RNF6: variants seen among roughly 807,000 people sequenced by gnomAD.
RNF6 encodes ring finger protein 6, also known as E3 ubiquitin-protein ligase RNF6.
Under a neutral mutation model 50.1 loss-of-function variants are expected in RNF6, and 21 were observed. The observed-to-expected ratio is 0.42, with a 90% CI of 0.30 to 0.60. The LOEUF is 0.60. RNF6 is among the 20% of genes least tolerant of loss of function. The pLI, the probability that RNF6 is intolerant of heterozygous loss-of-function variation, is 0.20. For missense variants in RNF6, 698 were observed against 838.2 expected (o/e 0.83, Z 2.07); for synonymous variants, 255 against 291.8 (o/e 0.87, Z 1.29).
At chr13:26,168,316 C>A (rs1419740098) in intron 5 of RNF6, among the ~76,000 whole-genome samples, 2 of 152,170 alleles carry the variant, frequency 1.3e-5, no homozygotes, top group Non-Finnish European at 2.9e-5. Flanking sequence ...TAAGTGAGAG[C>A]AGAGCCCACT....
intron 5 of RNF6, among the ~76,000 whole-genome samples, chr13:26,184,931 G>C (rs900908224): frequency 6.6e-6 from 1 of 152,154 alleles, no homozygotes; most frequent in Non-Finnish European, 1.5e-5. Flanking sequence ...TACCTAGTGA[G>C]CTCCAAAGTG....
chr13:26,178,860 C>A (rs1310752193), intron 5 of RNF6, among the ~76,000 whole-genome samples: 1 of 152,036 alleles, frequency 6.6e-6, no homozygotes, highest in Non-Finnish European at 1.5e-5. Flanking sequence ...ATTTTAGATC[C>A]CACATATAAG....
At chr13:26,206,224 T>A (rs1456696998) in intron 5 of RNF6, among the ~76,000 whole-genome samples, 2 of 141,940 alleles carry the variant, frequency 1.4e-5, no homozygotes, top group African/African-American at 5.0e-5. Context: ...CCCTGCTGGT[T>A]GGGGAGGGGA....
intron 5 of RNF6, among the ~76,000 whole-genome samples, chr13:26,186,968 G>A (rs1283524832): frequency 1.3e-5 from 2 of 152,032 alleles, no homozygotes; most frequent in Non-Finnish European, 2.9e-5. Flanking sequence ...TAGTAGAGAC[G>A]GGGTTTCACC....
intron 5 of RNF6, among the ~76,000 whole-genome samples, chr13:26,146,519 C>A (rs1049399140): frequency 2.6e-5 from 4 of 152,218 alleles, no homozygotes; most frequent in Non-Finnish European, 4.4e-5. Context: ...TTATTTCTCA[C>A]AGTCATGGTG....
At chr13:26,211,156 G>C (rs1333411378), downstream of RNF6, among the ~76,000 whole-genome samples, 1 of 152,176 alleles carries the variant, frequency 6.6e-6, no homozygotes, top group African/African-American at 2.4e-5. Context: ...GGAAATGAAT[G>C]AAAATATTAA....
chr13:26,169,209 C>T (rs1272053547), intron 5 of RNF6, among the ~76,000 whole-genome samples: 1 of 152,112 alleles, frequency 6.6e-6, no homozygotes, highest in Non-Finnish European at 1.5e-5. Context: ...CCATCCCCTC[C>T]CTGCTTCACA....
intron 5 of RNF6, among the ~76,000 whole-genome samples, chr13:26,182,913 T>C (rs1406035492): frequency 1.3e-5 from 2 of 152,214 alleles, no homozygotes; most frequent in Non-Finnish European, 2.9e-5. Flanking sequence ...TTTGGTGACC[T>C]TGAGTAGCCA....
chr13:26,137,680 C>T (rs913654449), intron 5 of RNF6, among the ~76,000 whole-genome samples: 1 of 149,856 alleles, frequency 6.7e-6, no homozygotes, highest in African/African-American at 2.5e-5. Flanking sequence ...AATAGAAACT[C>T]TGGGGTTGAA....
At chr13:26,199,005 A>C (rs1868790676) in intron 5 of RNF6, among the ~76,000 whole-genome samples, 1 of 151,920 alleles carries the variant, frequency 6.6e-6, no homozygotes, top group Non-Finnish European at 1.5e-5. Context: ...GATATATACC[A>C]TATTGATAGG....
At chr13:26,210,747 G>A (rs1869288624), downstream of RNF6, among the ~76,000 whole-genome samples, 1 of 152,186 alleles carries the variant, frequency 6.6e-6, no homozygotes, top group Non-Finnish European at 1.5e-5. Flanking sequence ...CAATTACTAA[G>A]TTAGGTAGCA....
At chr13:26,141,425 CA>C (rs34336773) in intron 5 of RNF6, among the ~76,000 whole-genome samples, 85,106 of 129,768 alleles carry the variant, frequency 0.66, 27,403 homozygotes, top group East Asian at 0.75. Context: ...AAGACTCTGT[CA>C]AAAAAAAAAA....
At chr13:26,194,820 G>C (rs1868593315) in intron 5 of RNF6, among the ~76,000 whole-genome samples, 2 of 152,292 alleles carry the variant, frequency 1.3e-5, no homozygotes, top group Admixed American at 6.5e-5. Context: ...AGCCTGGGAG[G>C]CTAGGCCAGT....
chr13:26,182,194 A>G (rs533285399), intron 5 of RNF6, among the ~76,000 whole-genome samples: 1 of 152,374 alleles, frequency 6.6e-6, no homozygotes, highest in East Asian at 1.9e-4. Flanking sequence ...ACAATAAAAC[A>G]TTATTACATA....
chr13:26,188,722 T>G (rs555555575), intron 5 of RNF6, among the ~76,000 whole-genome samples: 9 of 142,012 alleles, frequency 6.3e-5, no homozygotes, highest in Non-Finnish European at 1.4e-4. Flanking sequence ...CTCTGCCTCT[T>G]CAGTTCAAGC....
intron 5 of RNF6, among the ~76,000 whole-genome samples, chr13:26,155,214 A>AGG (rs1871850972): frequency 6.6e-6 from 1 of 151,934 alleles, no homozygotes; most frequent in African/African-American, 2.4e-5. Flanking sequence ...GGCTGCAGTA[A>AGG]GCTACGATCA....
At chr13:26,186,674 C>A (rs765468727) in intron 5 of RNF6, among the ~76,000 whole-genome samples, 2 of 152,250 alleles carry the variant, frequency 1.3e-5, no homozygotes, top group Non-Finnish European at 2.9e-5. Context: ...TACCTTCGGC[C>A]ACAGGTAGCG....
intron 5 of RNF6, among the ~76,000 whole-genome samples, chr13:26,146,470 T>C (rs939930257): frequency 6.6e-6 from 1 of 152,190 alleles, no homozygotes; most frequent in African/African-American, 2.4e-5. Flanking sequence ...AGAAGAGTGA[T>C]CACAGAACGC....
At chr13:26,157,944 C>A (rs56116523) in intron 5 of RNF6, among the ~76,000 whole-genome samples, 24 of 140,734 alleles carry the variant, frequency 1.7e-4, no homozygotes, top group Non-Finnish European at 3.2e-4. Context: ...AGATGGATGG[C>A]TAGCTAGCTA....
Sources: gnomAD v4.1 joint callset for allele counts (sites outside exome capture counted in the v4.1 genomes callset) on GRCh38, gnomAD v4.1.1 for gene constraint, MANE v1.5 for transcripts, NCBI Gene and HGNC (gene_info 2026-07-23, HGNC 2026-07-21) for gene names.